Variants in ST6GAL2 observed in about 807,000 individuals in gnomAD.
The protein encoded by ST6GAL2 is ST6 beta-galactoside alpha-2,6-sialyltransferase 2.
A neutral mutation model predicts 37.5 loss-of-function variants in ST6GAL2; 24 were observed. The observed-to-expected ratio is 0.64, with a 90% CI of 0.46 to 0.90. The LOEUF (loss-of-function observed/expected upper bound fraction) is 0.90. ST6GAL2 is among the 40% of genes least tolerant of loss of function. The pLI is 0.00. For synonymous variants in ST6GAL2, 306 were observed against 295.1 expected (o/e 1.04, Z -0.38); for missense variants, 715 against 712.7 (o/e 1.00, Z -0.04).
chr2:106,806,903 T>C lies in ST6GAL2; in HGVS notation c.1365A>G (p.Glu455=). Reference sequence around the variant, plus strand: ...CCGTCTGCCGCACGGATGGGATATATTCATACACGTGCACCTCTCTGCACA... The same window carrying C: ...CCGTCTGCCGCACGGATGGGATATACTCATACACGTGCACCTCTCTGCACA... ...MSMCREVHVY[E]YIPSVRQTEL... is the part of the protein sequence containing the mutation. Residue 455 remains glutamate, a synonymous_variant, in exon 6 of 6, where the codon GAA becomes GAG. Transcript: ENST00000409382. The C allele has an allele frequency of 6.2e-7, 1 of 1,614,106 alleles. No homozygotes were observed. Among genetic ancestry groups the C allele is most frequent in the Non-Finnish European group, 8.5e-7 (1 of 1,180,016 alleles).
intron 1 of ST6GAL2, among the ~76,000 whole-genome samples, chr2:106,874,789 A>T (rs1678431035): frequency 6.6e-6 from 1 of 152,196 alleles, no homozygotes; most frequent in African/African-American, 2.4e-5. Context: ...AAGCACATGA[A>T]GCATAAACAC....
At chr2:106,827,575 T>G (rs1211698701) in intron 5 of ST6GAL2, among the ~76,000 whole-genome samples, 1 of 152,154 alleles carries the variant, frequency 6.6e-6, no homozygotes, top group East Asian at 1.9e-4. Flanking sequence ...GCCTGCCCAG[T>G]GGGAACTGAG....
intron 5 of ST6GAL2, among the ~76,000 whole-genome samples, chr2:106,823,923 A>G (rs7604322): frequency 0.089 from 13,602 of 152,178 alleles, 844 homozygotes; most frequent in African/African-American, 0.12. Context: ...CTCCACCTTC[A>G]TGACCTAATC....
At chr2:106,818,690 A>G (rs1675894748) in intron 5 of ST6GAL2, among the ~76,000 whole-genome samples, 2 of 152,200 alleles carry the variant, frequency 1.3e-5, no homozygotes, top group South Asian at 4.1e-4. Flanking sequence ...ACCAGAAAAC[A>G]TCCACAAGCC....
intron 2 of ST6GAL2, among the ~76,000 whole-genome samples, chr2:106,837,884 G>C (rs1676712837): frequency 6.6e-6 from 1 of 152,204 alleles, no homozygotes; most frequent in Non-Finnish European, 1.5e-5. Flanking sequence ...AATTCCTTTG[G>C]AGGTGGTATT....
At chr2:106,880,386 T>C (rs553827970) in intron 1 of ST6GAL2, among the ~76,000 whole-genome samples, 6 of 152,312 alleles carry the variant, frequency 3.9e-5, no homozygotes, top group East Asian at 1.9e-4. Flanking sequence ...CTAACCAATA[T>C]GTAGGATTCC....
Position 106,821,746 on chromosome 2 carries a change from G to T in ST6GAL2, c.1318+8320C>A, listed in dbSNP as rs143705483. 4.2e-3 allele frequency among the ~76,000 whole-genome samples: 635 copies of T among 152,022 alleles called. 1 individual carries two copies. The highest frequency in any genetic ancestry group is 0.015 in the African/African-American group (609 of 41,508). On this transcript the variant is annotated intron_variant, in intron 5 of 5. Coordinates refer to ENST00000409382, the MANE Select transcript of ST6GAL2 (RefSeq NM_001142351.2). ...TGGGCCAATATCTTTGATGAATATTGATTTTAAAAAATCCTCAATAAAATA... is the reference window on the plus strand; with the variant it reads ...TGGGCCAATATCTTTGATGAATATTTATTTTAAAAAATCCTCAATAAAATA...
At chr2:106,865,429 A>G (rs139681409) in intron 1 of ST6GAL2, among the ~76,000 whole-genome samples, 1 of 152,324 alleles carries the variant, frequency 6.6e-6, no homozygotes, top group African/African-American at 2.4e-5. Context: ...TGTCTACGTG[A>G]TACTGACGTG....
chr2:106,807,779 C>T (rs1675473090), intron 5 of ST6GAL2, among the ~76,000 whole-genome samples: 1 of 151,932 alleles, frequency 6.6e-6, no homozygotes, highest in Admixed American at 6.6e-5. Flanking sequence ...CGCCCACCAC[C>T]ACGCCCGGCT....
chr2:106,880,512 G>A (rs946726486), intron 1 of ST6GAL2, among the ~76,000 whole-genome samples: 1 of 152,194 alleles, frequency 6.6e-6, no homozygotes, highest in South Asian at 2.1e-4. Flanking sequence ...AGGGAGTAGA[G>A]GTTCTTGCAT....
intron 1 of ST6GAL2, among the ~76,000 whole-genome samples, chr2:106,858,964 G>A (rs987076237): frequency 6.6e-6 from 1 of 152,144 alleles, no homozygotes; most frequent in Non-Finnish European, 1.5e-5. Context: ...AGGTGTGCAG[G>A]CATGGGAGTG....
At chr2:106,886,203 G>T (rs1678984689), upstream of ST6GAL2, 1 of 152,242 alleles carries the variant, frequency 6.6e-6, no homozygotes, top group Non-Finnish European at 1.5e-5. Flanking sequence ...TTTATTCCCC[G>T]GCAGCCGCTC....
chr2:106,874,621 C>T (rs1469244201), intron 1 of ST6GAL2, among the ~76,000 whole-genome samples: 1 of 152,104 alleles, frequency 6.6e-6, no homozygotes, highest in African/African-American at 2.4e-5. Flanking sequence ...AAAATAAATT[C>T]TAATATAAAA....
Position 106,843,212 on chromosome 2 carries a change from G to A in ST6GAL2, c.766C>T (p.Arg256Trp), listed in dbSNP as rs1422051543. Residue 256 changes from arginine to tryptophan, a missense_variant, in exon 2 of 6, where the codon CGG (arginine) becomes TGG (tryptophan). Transcript: ENST00000409382. ...AGCGTCCGCACGCGCGCGCGGCTCCGCAGCTGGCACAGCAGCTGTGCCCTG... is the reference window on the plus strand; with the variant it reads ...AGCGTCCGCACGCGCGCGCGGCTCCACAGCTGGCACAGCAGCTGTGCCCTG... ...LSRAQLLCQLRSRARVRTLDG... is the reference protein window; with the variant it reads ...LSRAQLLCQLWSRARVRTLDG... The A allele has an allele frequency of 1.3e-6, 2 of 1,559,814 alleles. No individual in the cohort carries two copies. Among genetic ancestry groups the A allele is most frequent in the East Asian group, 4.7e-5 (2 of 42,304 alleles).
At chr2:106,807,176 G>T (rs1024031308) in intron 5 of ST6GAL2, among the ~76,000 whole-genome samples, 2 of 151,542 alleles carry the variant, frequency 1.3e-5, no homozygotes, top group African/African-American at 4.8e-5. Context: ...ATATCTATTC[G>T]CTCATTTAAT....
chr2:106,884,934 T>TATATATATATATATATATATACACACAC (rs1425070594), intron 1 of ST6GAL2, among the ~76,000 whole-genome samples: 1 of 120,470 alleles, frequency 8.3e-6, no homozygotes, highest in African/African-American at 3.6e-5. Context: ...TATATATATA[T>TATATATATATATATATATATACACACAC]ACATACACAC....
Position 106,880,294 on chromosome 2 carries a change from T to C in ST6GAL2, c.-58+5799A>G, listed in dbSNP as rs549226214. On this transcript the variant is annotated intron_variant, in intron 1 of 5. Transcript: ENST00000409382. ...AGTCACCTGCTTTCCAGAAAAAAGA[T>C]TGAATAACCTATAGTATTTGGTGAA... 2.2e-4 allele frequency among the ~76,000 whole-genome samples: 34 copies of C among 152,306 alleles called. 2 individuals are homozygous for C. The highest frequency in any genetic ancestry group is 1.1e-3 in the Admixed American group (17 of 15,298).
Position 106,839,083 on chromosome 2 carries a change from C to A in ST6GAL2, c.943+3952G>T, listed in dbSNP as rs540028343. ...ACAAAAAAAACAAGAGCATTTTGAA[C>A]AGGGCCTTGTCTGTACTATATAAGT... is the stretch of plus-strand genomic sequence containing the variant. On this transcript the variant is annotated intron_variant, in intron 2 of 5. Transcript: ENST00000409382. Among the ~76,000 whole-genome samples, 8 of 152,058 alleles carry A rather than the reference C, an allele frequency of 5.3e-5. No homozygotes were observed. In the South Asian group the frequency reaches 8.3e-4, roughly 16 times the overall value.
In ST6GAL2 at chr2:106,834,087, C is replaced by A; in HGVS notation, c.1003G>T (p.Val335Phe). The A allele has an allele frequency of 1.9e-6, 3 of 1,613,824 alleles. No homozygotes were observed. Among genetic ancestry groups the A allele is most frequent in the Non-Finnish European group, 2.5e-6 (3 of 1,179,834 alleles). The change falls in exon 3 of 6, where the codon GTT (valine) becomes TTT (phenylalanine). Residue 335 changes from valine (V) to phenylalanine (F), a missense_variant. Coordinates refer to ENST00000409382, the MANE Select transcript of ST6GAL2 (RefSeq NM_001142351.2). ...ATGCGTATGGTGGTTTTATTCCCAA[C>A]ATCTTTCTCATAACCACGTGTAGGA... is the stretch of plus-strand genomic sequence containing the variant. ...SAPTRGYEKD[V>F]GNKTTIRIIN...
Sources: allele counts gnomAD v4.1 joint callset (sites outside exome capture counted in the v4.1 genomes callset), GRCh38; gene constraint gnomAD v4.1.1; transcripts MANE v1.5; gene names NCBI Gene and HGNC (gene_info 2026-07-23, HGNC 2026-07-21).